The following BACH2 variants were observed in gnomAD, a reference collection of about 807,000 sequenced individuals.
BACH2 encodes transcription regulator protein BACH2.
Under a neutral mutation model 61.8 loss-of-function variants are expected in BACH2, and 5 were observed. The ratio of observed to expected loss-of-function variants is 0.08; its 90% confidence interval spans 0.04 to 0.17. The LOEUF is 0.17. Ranked by LOEUF, BACH2 falls within the 10% of genes least tolerant of loss-of-function variation. The pLI is 1.00. For synonymous variants in BACH2, 446 were observed against 440.1 expected (o/e 1.01, Z -0.17); for missense variants, 824 against 1,091.1 (o/e 0.76, Z 3.45).
rs141251049 is a variant in BACH2 at position 90,270,163 on chromosome 6, G to C, written c.-353+1686C>G. Among the ~76,000 whole-genome samples the C allele has an allele frequency of 1.4e-3, 211 of 152,176 alleles. 2 individuals are homozygous for C. Among genetic ancestry groups the C allele is most frequent in the African/African-American group, 5.0e-3 (207 of 41,526 alleles). On this transcript the variant is annotated intron_variant, in intron 2 of 8. Transcript: ENST00000257749. ...GTATTTAAGCTGGTTCCATATTTTT[G>C]AAATTGCGAATTGTGCTGCTACAAA...
intron 4 of BACH2, among the ~76,000 whole-genome samples, chr6:90,189,138 CA>C (rs1394767600): frequency 2.6e-5 from 4 of 151,968 alleles, no homozygotes; most frequent in Non-Finnish European, 5.9e-5. Context: ...AATTCACCAA[CA>C]GAAAAAAACA....
chr6:90,256,892 C>T (rs1173885321), intron 2 of BACH2, among the ~76,000 whole-genome samples: 1 of 152,168 alleles, frequency 6.6e-6, no homozygotes, highest in Non-Finnish European at 1.5e-5. Context: ...TGCCCACAAC[C>T]CATATCCCTG....
In BACH2 at chr6:89,951,352, C is replaced by G. The variant is rs1295239194; in HGVS notation, c.754G>C (p.Gly252Arg). ...TCTTCCCGGAATGTGCTTGCAAAACCTGAGGTACTGTGTGATGATGCATTA... is the reference window on the plus strand; with the variant it reads ...TCTTCCCGGAATGTGCTTGCAAAACGTGAGGTACTGTGTGATGATGCATTA... Reference protein sequence around the residue: ...VYNASSHSTSGFASTFREDNS... With the variant: ...VYNASSHSTSRFASTFREDNS... Residue 252 changes from glycine (G) to arginine (R), a missense_variant, in exon 7 of 9, where the codon GGT becomes CGT. Around this residue, in one of 8 missense-constraint regions of BACH2, gnomAD observed 226 missense variants for 228.5 expected, o/e 0.99. Transcript: ENST00000257749. This position sits in a 1 kb window ranked among gnomAD's most constrained non-coding sequence, Gnocchi z 6.4. 2 of 1,614,114 alleles carry G rather than the reference C, an allele frequency of 1.2e-6. No homozygotes were observed. Among genetic ancestry groups the G allele is most frequent in the South Asian group, 2.2e-5 (2 of 91,092 alleles).
intron 5 of BACH2, among the ~76,000 whole-genome samples, chr6:90,023,332 T>C (rs1416799950): frequency 6.6e-6 from 1 of 151,944 alleles, no homozygotes; most frequent in Non-Finnish European, 1.5e-5. Context: ...CCCTTGGAGC[T>C]GTTGCCTCAA....
chr6:90,018,390 G>A (rs1446199428), intron 5 of BACH2, among the ~76,000 whole-genome samples: 1 of 152,100 alleles, frequency 6.6e-6, no homozygotes, highest in Admixed American at 6.6e-5. Context: ...TCCTTCCTGT[G>A]CCATGGCCTA....
At chr6:90,104,737 TA>T (rs1273496322) in intron 4 of BACH2, among the ~76,000 whole-genome samples, 2 of 152,226 alleles carry the variant, frequency 1.3e-5, no homozygotes, top group Non-Finnish European at 2.9e-5. Context: ...CAAGGGCAGC[TA>T]TTTACAGAGA....
intron 4 of BACH2, among the ~76,000 whole-genome samples, chr6:90,141,069 T>C (rs1375645371): frequency 6.6e-6 from 1 of 152,120 alleles, no homozygotes; most frequent in Non-Finnish European, 1.5e-5. Context: ...CCATTACAAA[T>C]GATAAGGATG....
intron 3 of BACH2, among the ~76,000 whole-genome samples, chr6:90,239,190 G>A (rs907534882): frequency 3.9e-5 from 6 of 152,236 alleles, no homozygotes; most frequent in African/African-American, 1.4e-4. Context: ...AGAGTTGCTC[G>A]ACCTAGGATC....
chr6:90,263,192 G>A (rs2127876688), intron 2 of BACH2, among the ~76,000 whole-genome samples: 2 of 152,236 alleles, frequency 1.3e-5, no homozygotes, highest in Middle Eastern at 6.8e-3. Context: ...AAGACACTAG[G>A]TAAGCACAAG....
At chr6:89,982,609 G>A (rs1241388314) in intron 6 of BACH2, among the ~76,000 whole-genome samples, 2 of 152,114 alleles carry the variant, frequency 1.3e-5, no homozygotes, top group Non-Finnish European at 2.9e-5. Context: ...TTAGGAGTAC[G>A]TTCGGATATC....
At chr6:90,166,432 T>C (rs367833821) in intron 4 of BACH2, among the ~76,000 whole-genome samples, 216 of 152,222 alleles carry the variant, frequency 1.4e-3, no homozygotes, top group Middle Eastern at 3.4e-3. Flanking sequence ...TGTGGAGAAA[T>C]AGAAACACTT....
intron 6 of BACH2, among the ~76,000 whole-genome samples, chr6:89,989,931 G>A (rs190973257): frequency 7.9e-4 from 120 of 152,294 alleles, no homozygotes; most frequent in African/African-American, 2.5e-3. Flanking sequence ...GGACTCATGC[G>A]TGGGGCATAG....
chr6:90,007,997 A>G (rs1294206534), intron 6 of BACH2: 2 of 154,192 alleles, frequency 1.3e-5, no homozygotes, highest in African/African-American at 4.8e-5. Flanking sequence ...AAACCATCCA[A>G]TTAAATGTCA....
intron 6 of BACH2, among the ~76,000 whole-genome samples, chr6:89,975,018 T>C (rs1031373480): frequency 5.3e-5 from 8 of 152,066 alleles, no homozygotes; most frequent in East Asian, 1.9e-4. Flanking sequence ...CAACAGAAAA[T>C]AGAGTACACT....
chr6:90,273,719 C>T (rs1771600359), intron 1 of BACH2, among the ~76,000 whole-genome samples: 1 of 152,140 alleles, frequency 6.6e-6, no homozygotes, highest in South Asian at 2.1e-4. Flanking sequence ...TGCCTCTGAA[C>T]TTCTAGAATA....
intron 1 of BACH2, among the ~76,000 whole-genome samples, 197 bp from the exon 2 acceptor site, chr6:90,272,138 C>T (rs570311390): frequency 6.6e-6 from 1 of 152,192 alleles, no homozygotes; most frequent in Non-Finnish European, 1.5e-5. Context: ...TGGATTTCAC[C>T]TCCTCATGTC....
intron 3 of BACH2, among the ~76,000 whole-genome samples, chr6:90,226,695 G>A (rs1200614079): frequency 6.6e-6 from 1 of 151,880 alleles, no homozygotes; most frequent in Admixed American, 6.6e-5. Context: ...CAAGTCCTTA[G>A]AATTTTTTTT....
At chr6:90,053,458 T>C (rs547847298) in intron 5 of BACH2, among the ~76,000 whole-genome samples, 1 of 152,254 alleles carries the variant, frequency 6.6e-6, no homozygotes, top group Admixed American at 6.5e-5. Context: ...TATTTATTTA[T>C]TTTTGTAGAG....
chr6:90,177,954 C>A (rs148352820), intron 4 of BACH2, among the ~76,000 whole-genome samples: 1 of 152,254 alleles, frequency 6.6e-6, no homozygotes, highest in Non-Finnish European at 1.5e-5. Context: ...CACTTTTGGT[C>A]AAGAAAATGT....
Sources: gnomAD v4.1 joint callset for allele counts (sites outside exome capture counted in the v4.1 genomes callset) on GRCh38, gnomAD v4.1.1 for gene constraint, gnomAD v4.1.1 regional missense constraint, Gnocchi (gnomAD v3.1) non-coding constraint, MANE v1.5 for transcripts, NCBI Gene and HGNC (gene_info 2026-07-23, HGNC 2026-07-21) for gene names.